The following IL34 variants were observed in gnomAD, a reference collection of about 807,000 sequenced individuals.
IL34 encodes interleukin 34.
A neutral mutation model predicts 25.3 loss-of-function variants in IL34; 17 were observed. The observed-to-expected ratio is 0.67, with a 90% confidence interval of 0.46 to 1.01. The LOEUF (loss-of-function observed/expected upper bound fraction) is 1.01. IL34 is among the 50% of genes least tolerant of loss of function. The probability of loss-of-function intolerance (pLI) is 0.00; values close to 1 mark genes in which losing one functional copy is unlikely to be tolerated. For synonymous variants in IL34, 174 were observed against 140.9 expected, an observed-to-expected ratio of 1.23 and a Z score of -1.66; for missense variants, 368 against 312.9, an observed-to-expected ratio of 1.18 and a Z score of -1.33.
At chr16:70,648,706 T>A (rs1053488956) in intron 1 of IL34, among the ~76,000 whole-genome samples, 3 of 151,804 alleles carry the variant, frequency 2.0e-5, no homozygotes, top group Non-Finnish European at 4.4e-5. Flanking sequence ...AGGTGGGGGC[T>A]GGTGCCCAGG....
chr16:70,648,810 G>A (rs78599316), intron 1 of IL34, among the ~76,000 whole-genome samples: 4 of 152,146 alleles, frequency 2.6e-5, no homozygotes, highest in Non-Finnish European at 5.9e-5. Flanking sequence ...CAGTTCTGGA[G>A]ACCGGAAGTG....
intron 1 of IL34, among the ~76,000 whole-genome samples, chr16:70,581,652 G>C (rs1225798020): frequency 6.6e-6 from 1 of 152,194 alleles, no homozygotes; most frequent in Non-Finnish European, 1.5e-5. Flanking sequence ...GACAGAGACA[G>C]TCTAACGCAG....
intron 1 of IL34, among the ~76,000 whole-genome samples, chr16:70,625,631 A>G (rs527597770): frequency 9.9e-5 from 15 of 152,276 alleles, no homozygotes; most frequent in African/African-American, 1.4e-4. Context: ...GTGAATAATC[A>G]GAGAGGTGTC....
intron 1 of IL34, among the ~76,000 whole-genome samples, chr16:70,641,174 T>G (rs951049000): frequency 2.3e-4 from 35 of 152,018 alleles, no homozygotes; most frequent in Non-Finnish European, 4.7e-4. Context: ...CTTGGGAGGC[T>G]AAGCAGGGGA....
chr16:70,632,203 A>T (rs1567454300), intron 1 of IL34, among the ~76,000 whole-genome samples: 1 of 152,080 alleles, frequency 6.6e-6, no homozygotes, highest in African/African-American at 2.4e-5. Context: ...GGTAAGCACC[A>T]GTGAATATGG....
rs1042862762 is a variant in IL34 at position 70,646,796 on chromosome 16, C to T, written c.-152C>T. ...CTGCTGCCCTTGGGGCACCTGCTCACTCCCGCAGCCCAGCCACTCCTCCAG... is the reference window on the plus strand; with the variant it reads ...CTGCTGCCCTTGGGGCACCTGCTCATTCCCGCAGCCCAGCCACTCCTCCAG... On this transcript the variant is annotated 5_prime_UTR_variant, in exon 1 of 6. Coordinates refer to ENST00000288098, the MANE Select transcript of IL34 (RefSeq NM_001393494.1). 1.5e-6 allele frequency: 1 copy of T among 676,538 alleles called. No individual in the cohort carries two copies. 41.9% of individuals were successfully genotyped at this position (676,538 alleles called of 1,614,324 possible).
chr16:70,659,290 T>G (rs898621152), intron 4 of IL34, among the ~76,000 whole-genome samples: 2 of 152,230 alleles, frequency 1.3e-5, no homozygotes, highest in Admixed American at 6.5e-5. Flanking sequence ...TTTCCCCAGG[T>G]CAGGGGGTCC....
In IL34 at chr16:70,615,176, C is replaced by T. The variant is rs187209875; in HGVS notation, c.-400-31372C>T. ...TTTACTACCCTGACAAAAAGTCCAT[C>T]GAATTCTAGACTTATTTGGGTTAAC... On this transcript the variant is annotated intron_variant, in intron 1 of 6. Coordinates refer to the IL34 transcript ENST00000429149. 1.5e-3 allele frequency among the ~76,000 whole-genome samples: 229 copies of T among 152,242 alleles called. 4 individuals carry two copies. Among genetic ancestry groups the T allele is most frequent in the Non-Finnish European group, 2.2e-4 (15 of 68,024 alleles).
At chr16:70,589,998 C>T (rs1032477234) in intron 1 of IL34, among the ~76,000 whole-genome samples, 1 of 152,206 alleles carries the variant, frequency 6.6e-6, no homozygotes, top group East Asian at 1.9e-4. Context: ...TGAGGCAACG[C>T]ATGTGAACTG....
intron 1 of IL34, among the ~76,000 whole-genome samples, chr16:70,630,695 T>C (rs2051499704): frequency 6.6e-6 from 1 of 151,234 alleles, no homozygotes; most frequent in African/African-American, 2.4e-5. Flanking sequence ...TACCTCAGCT[T>C]CCCAAGTAGC....
intron 1 of IL34, among the ~76,000 whole-genome samples, chr16:70,598,350 T>C (rs2050855744): frequency 6.6e-6 from 1 of 152,138 alleles, no homozygotes; most frequent in Non-Finnish European, 1.5e-5. Context: ...TCACCTTGCA[T>C]ATTAGTATTT....
chr16:70,608,576 G>T (rs1308564628), intron 1 of IL34, among the ~76,000 whole-genome samples: 1 of 152,250 alleles, frequency 6.6e-6, no homozygotes, highest in East Asian at 1.9e-4. Context: ...CTGGTAGAGG[G>T]AGGGAGGAGG....
chr16:70,599,227 G>T (rs2050868844), intron 1 of IL34, among the ~76,000 whole-genome samples: 1 of 149,104 alleles, frequency 6.7e-6, no homozygotes, highest in Non-Finnish European at 1.5e-5. Context: ...GCCTTCTTAG[G>T]TTTATTACTT....
intron 1 of IL34, among the ~76,000 whole-genome samples, chr16:70,594,853 C>A (rs112547010): frequency 6.6e-6 from 1 of 151,850 alleles, no homozygotes; most frequent in African/African-American, 2.4e-5. Flanking sequence ...TGGGAGGCTG[C>A]CAGTCTACTC....
intron 1 of IL34, among the ~76,000 whole-genome samples, chr16:70,618,284 T>C (rs1354050788): frequency 1.3e-5 from 2 of 151,224 alleles, no homozygotes; most frequent in East Asian, 3.9e-4. Context: ...TTTGGGGAAA[T>C]GGGGTTAATG....
chr16:70,651,725 G>A (rs2052083569), intron 1 of IL34, among the ~76,000 whole-genome samples: 2 of 151,676 alleles, frequency 1.3e-5, no homozygotes, highest in South Asian at 2.1e-4. Context: ...GCTGGGGGTG[G>A]CTCAGGGAGG....
chr16:70,642,400 C>T (rs1369227511), upstream of IL34, among the ~76,000 whole-genome samples: 4 of 149,618 alleles, frequency 2.7e-5, no homozygotes, highest in African/African-American at 4.9e-5. Context: ...TGAGTTCAAG[C>T]GATTCTCCTG....
In IL34 at chr16:70,629,856, TATG is replaced by T. The variant is rs545091850; in HGVS notation, c.-400-16689_-400-16687del. On this transcript the variant is annotated intron_variant, in intron 1 of 6. Transcript: ENST00000429149. ...TCTCAAGCATTTTTATCTTTTGTGTTATGATTCAGTTATACTGTTTCAGTAATT... is the reference window on the plus strand; with the variant it reads ...TCTCAAGCATTTTTATCTTTTGTGTTATTCAGTTATACTGTTTCAGTAATT... 1.9e-3 allele frequency among the ~76,000 whole-genome samples: 287 copies of T among 151,884 alleles called. 1 individual carries two copies. The highest frequency in any genetic ancestry group is 3.7e-3 in the South Asian group (18 of 4,822).
In IL34 at chr16:70,656,676, G is replaced by GAAGGGATTCTCACCAGC; in HGVS notation, c.237_238insAAGGGATTCTCACCAGC (p.Leu80LysfsTer12). 1 of 1,345,890 alleles carries GAAGGGATTCTCACCAGC rather than the reference G, an allele frequency of 7.4e-7. No homozygotes were observed. Among genetic ancestry groups the GAAGGGATTCTCACCAGC allele is most frequent in the Non-Finnish European group, 1.1e-6 (1 of 934,972 alleles). 83.4% of individuals were successfully genotyped at this position (1,345,890 alleles called of 1,614,324 possible). ...TGTTCAGAATCGCCAACGTCACCAG[G>GAAGGGATTCTCACCAGC]CTGGTGAGAATCCCTTCCTGGGCTG... is the stretch of plus-strand genomic sequence containing the variant. On this transcript the variant is annotated frameshift_variant, in exon 3 of 6. Transcript: ENST00000288098. LOFTEE classifies it high-confidence loss of function.
Sources: gnomAD v4.1 joint callset for allele counts (sites outside exome capture counted in the v4.1 genomes callset) on GRCh38, gnomAD v4.1.1 for gene constraint, MANE v1.5 for transcripts, NCBI Gene and HGNC (gene_info 2026-07-23, HGNC 2026-07-21) for gene names.